Variants in HMBOX1 observed in about 807,000 individuals in gnomAD.
HMBOX1 encodes homeobox-containing protein 1.
In HMBOX1, 14 loss-of-function variants were observed where a neutral mutation model predicts 54.5. The observed-to-expected ratio is 0.26, with a 90% CI of 0.17 to 0.40. The LOEUF is 0.40. Among genes scored for constraint, HMBOX1 ranks in the 10% least tolerant of loss-of-function variants. The probability of loss-of-function intolerance (pLI) is 1.00; values close to 1 mark genes in which losing one functional copy is unlikely to be tolerated. For synonymous variants in HMBOX1, 160 were observed against 181.0 expected, an observed-to-expected ratio of 0.88 and a Z score of 0.93; for missense variants, 332 against 514.4, an observed-to-expected ratio of 0.65 and a Z score of 3.43.
At chr8:28,937,872 T>C (rs1259123326) in intron 1 of HMBOX1, among the ~76,000 whole-genome samples, 1 of 150,542 alleles carries the variant, frequency 6.6e-6, no homozygotes, top group African/African-American at 2.4e-5. Flanking sequence ...TCCCTCTGTA[T>C]ATTATGATAC....
chr8:28,914,858 A>G (rs1429000687), intron 1 of HMBOX1, among the ~76,000 whole-genome samples: 2 of 152,258 alleles, frequency 1.3e-5, no homozygotes, highest in Non-Finnish European at 2.9e-5. Context: ...TGAATGCATT[A>G]TAAGCATATG....
At chr8:28,981,330 G>T (rs1027676506) in intron 4 of HMBOX1, among the ~76,000 whole-genome samples, 8 of 152,084 alleles carry the variant, frequency 5.3e-5, no homozygotes, top group Non-Finnish European at 1.2e-4. Context: ...TATACCAAAG[G>T]ACAGTGCGTT....
intron 1 of HMBOX1, among the ~76,000 whole-genome samples, chr8:28,930,984 T>C (rs1362242866): frequency 1.3e-5 from 2 of 152,188 alleles, no homozygotes; most frequent in Non-Finnish European, 2.9e-5. Flanking sequence ...TCTATGATTA[T>C]ATGACATGGT....
At chr8:28,939,604 G>T (rs1331620748) in intron 1 of HMBOX1, among the ~76,000 whole-genome samples, 1 of 151,818 alleles carries the variant, frequency 6.6e-6, no homozygotes, top group Non-Finnish European at 1.5e-5. Context: ...GCCCCCCCTG[G>T]GTTCAAGTAA....
chr8:29,026,871 C>T (rs991036381), intron 6 of HMBOX1, among the ~76,000 whole-genome samples: 2 of 152,136 alleles, frequency 1.3e-5, no homozygotes, highest in African/African-American at 2.4e-5. Flanking sequence ...TTACAACCTT[C>T]CATTTGTTTA....
Position 29,019,005 on chromosome 8 carries a change from A to C in HMBOX1, c.851+92A>C, listed in dbSNP as rs560190155. On this transcript the variant is annotated intron_variant, in intron 6 of 9. Transcript: ENST00000287701. ...GGGACAGTTTTCATTTCAAACAAGT[A>C]ACTTGGTATCTTGGTTCTATCTCTA... The C allele has an allele frequency of 1.5e-5, 17 of 1,139,578 alleles. No homozygotes were observed. In the Admixed American group the frequency reaches 2.1e-4, roughly 14 times the overall value. 70.6% of individuals were successfully genotyped at this position (1,139,578 alleles called of 1,614,324 possible). A position where few individuals can be genotyped will look rare whatever the true frequency, so the allele number is the denominator to read the frequency against.
chr8:28,906,269 C>A (rs1184036848), intron 1 of HMBOX1, among the ~76,000 whole-genome samples: 1 of 152,138 alleles, frequency 6.6e-6, no homozygotes, highest in East Asian at 1.9e-4. Flanking sequence ...GCACTTTCTG[C>A]TAATGATGGT....
At chr8:28,937,044 G>A (rs143858877) in intron 1 of HMBOX1, among the ~76,000 whole-genome samples, 4 of 152,260 alleles carry the variant, frequency 2.6e-5, no homozygotes, top group African/African-American at 9.6e-5. Flanking sequence ...CTTTCTGTAT[G>A]TATATTTTTC....
intron 9 of HMBOX1, among the ~76,000 whole-genome samples, chr8:29,049,927 C>G (rs1806187928): frequency 6.6e-6 from 1 of 152,182 alleles, no homozygotes; most frequent in Non-Finnish European, 1.5e-5. Flanking sequence ...TACCACACAC[C>G]TAGAATGCAT....
At chr8:29,018,333 A>G (rs1800642747) in intron 5 of HMBOX1, among the ~76,000 whole-genome samples, 1 of 152,182 alleles carries the variant, frequency 6.6e-6, no homozygotes, top group African/African-American at 2.4e-5. Context: ...AAATTTTATT[A>G]TGTTCAGGAG....
intron 5 of HMBOX1, 121 bp from the exon 6 acceptor site, chr8:29,018,639 A>T (rs1385154264): frequency 5.3e-6 from 5 of 942,384 alleles, no homozygotes; most frequent in Middle Eastern, 2.4e-4. Context: ...TCAGAGAAAG[A>T]TACATTGATT....
At chr8:28,906,676 G>A (rs1814392909) in intron 1 of HMBOX1, among the ~76,000 whole-genome samples, 2 of 151,980 alleles carry the variant, frequency 1.3e-5, no homozygotes, top group Admixed American at 6.6e-5. Flanking sequence ...TGCAACCTCC[G>A]CCTCCCAGGT....
chr8:28,956,077 T>C (rs1415394241), intron 1 of HMBOX1: 1 of 152,104 alleles, frequency 6.6e-6, no homozygotes, highest in Admixed American at 6.5e-5. Context: ...AGGTGTAAGC[T>C]CTTTAAATTT....
At chr8:28,992,600 G>A (rs1258781812) in intron 4 of HMBOX1, among the ~76,000 whole-genome samples, 1 of 152,088 alleles carries the variant, frequency 6.6e-6, no homozygotes, top group Non-Finnish European at 1.5e-5. Flanking sequence ...GCTGGGCGCG[G>A]TGGCTCATGC....
rs71222583 is a variant in HMBOX1 at position 28,973,803 on chromosome 8, G to GTTTTT, written c.500+3311_500+3315dup. Among the ~76,000 whole-genome samples, 26 of 72,642 alleles carry GTTTTT rather than the reference G, an allele frequency of 3.6e-4. 2 individuals carry two copies. Among genetic ancestry groups the GTTTTT allele is most frequent in the Middle Eastern group, 8.5e-3 (1 of 118 alleles). The allele number at this position is 72,642 out of a possible 152,430, so 47.7% of individuals were successfully genotyped here. On this transcript the variant is annotated intron_variant, in intron 3 of 9. Transcript: ENST00000287701. ...TAATAATTTCGAGATACATAATGGAGTTTTTTTTTTTTTTTTTTTTTTTTT... is the reference window on the plus strand; with the variant it reads ...TAATAATTTCGAGATACATAATGGAGTTTTTTTTTTTTTTTTTTTTTTTTTTTTTT...
At chr8:29,004,672 A>G (rs1833149586) in intron 4 of HMBOX1, among the ~76,000 whole-genome samples, 2 of 152,196 alleles carry the variant, frequency 1.3e-5, no homozygotes, top group Non-Finnish European at 2.9e-5. Flanking sequence ...TGAAGGTTAT[A>G]TGTAAATTTT....
At chr8:28,922,148 C>T (rs1817663107) in intron 1 of HMBOX1, among the ~76,000 whole-genome samples, 1 of 152,198 alleles carries the variant, frequency 6.6e-6, no homozygotes, top group Non-Finnish European at 1.5e-5. Flanking sequence ...AAGGTTGTGT[C>T]TGTCCTGAAC....
Position 29,037,176 on chromosome 8 carries a change from A to G in HMBOX1, c.852-8185A>G, listed in dbSNP as rs902006141. ...CTGAAAGGTTGATATGGACAGAGCC[A>G]TTATTTATTTTATTAAGTCTGTGGA... On this transcript the variant is annotated intron_variant, in intron 6 of 9. Transcript: ENST00000287701. Among the ~76,000 whole-genome samples, 29 of 152,332 alleles carry G rather than the reference A, an allele frequency of 1.9e-4. No individual in the cohort carries two copies. In the Middle Eastern group the frequency reaches 0.01, roughly 54 times the overall value.
chr8:28,958,123 A>G (rs1469939489), intron 1 of HMBOX1, among the ~76,000 whole-genome samples: 2 of 151,990 alleles, frequency 1.3e-5, no homozygotes, highest in Non-Finnish European at 2.9e-5. Context: ...CTTTTATTTC[A>G]GGGTTTGGTT....
Sources: gnomAD v4.1 joint callset for allele counts (sites outside exome capture counted in the v4.1 genomes callset) on GRCh38, gnomAD v4.1.1 for gene constraint, MANE v1.5 for transcripts, NCBI Gene and HGNC (gene_info 2026-07-23, HGNC 2026-07-21) for gene names.